Variants in SLC44A5 observed in about 807,000 individuals in gnomAD.
The protein encoded by SLC44A5 is choline transporter-like protein 5.
A neutral mutation model predicts 101.8 loss-of-function variants in SLC44A5; 57 were observed. The observed-to-expected ratio is 0.56, with a 90% CI of 0.45 to 0.70. The LOEUF (loss-of-function observed/expected upper bound fraction) is 0.70, where lower values mean the gene tolerates loss of function less well. Ranked by LOEUF, SLC44A5 falls within the 30% of genes least tolerant of loss-of-function variation. SLC44A5 has a pLI of 0.00. For missense variants in SLC44A5, 737 were observed against 853.1 expected, an observed-to-expected ratio of 0.86 and a Z score of 1.70; for synonymous variants, 281 against 290.9, an observed-to-expected ratio of 0.97 and a Z score of 0.35.
intron 3 of SLC44A5, among the ~76,000 whole-genome samples, chr1:75,343,101 C>T (rs1570726214): frequency 6.6e-6 from 1 of 152,106 alleles, no homozygotes; most frequent in South Asian, 2.1e-4. Flanking sequence ...CACAGTGGTT[C>T]GCTGTCATGT....
the SLC44A5 span, among the ~76,000 whole-genome samples, chr1:75,666,385 C>A: frequency 0.24 from 36,638 of 151,872 alleles, 4,726 homozygotes; most frequent in Non-Finnish European, 0.3. Flanking sequence ...ATTTGACTTC[C>A]CAGAAAGAAG....
chr1:75,600,692 T>C (rs760846227), intron 1 of SLC44A5, among the ~76,000 whole-genome samples: 1 of 152,192 alleles, frequency 6.6e-6, no homozygotes, highest in African/African-American at 2.4e-5. Context: ...ACCATTTTTA[T>C]GTTAAGATAT....
chr1:75,683,289 A>G, the SLC44A5 span, among the ~76,000 whole-genome samples: 3 of 152,186 alleles, frequency 2.0e-5, no homozygotes, highest in Admixed American at 1.3e-4. Flanking sequence ...TCATGCTGCT[A>G]TAAAGACACA....
chr1:75,318,370 T>TGAAAGAAA (rs5775281), intron 4 of SLC44A5, among the ~76,000 whole-genome samples: 292 of 130,660 alleles, frequency 2.2e-3, no homozygotes, highest in African/African-American at 3.2e-3. Context: ...TCCCATCTCT[T>TGAAAGAAA]GAAAGAAAGA....
At chr1:75,720,648 A>G in the SLC44A5 span, among the ~76,000 whole-genome samples, 1 of 152,238 alleles carries the variant, frequency 6.6e-6, no homozygotes, top group East Asian at 1.9e-4. Flanking sequence ...CAAACTTTGT[A>G]AAATATTTGA....
At chr1:75,671,008 G>A in the SLC44A5 span, among the ~76,000 whole-genome samples, 17 of 152,314 alleles carry the variant, frequency 1.1e-4, no homozygotes, top group African/African-American at 4.1e-4. Flanking sequence ...GTAACATAGG[G>A]AAGCACCAAG....
chr1:75,528,687 C>A (rs528088888), intron 2 of SLC44A5, among the ~76,000 whole-genome samples: 1 of 152,308 alleles, frequency 6.6e-6, no homozygotes, highest in Non-Finnish European at 1.5e-5. Context: ...CTTTTAATGA[C>A]TCTCCATTCT....
At chr1:75,485,716 CAAAG>C (rs1334493852) in intron 2 of SLC44A5, among the ~76,000 whole-genome samples, 6 of 151,734 alleles carry the variant, frequency 4.0e-5, no homozygotes, top group Non-Finnish European at 3.0e-5. Flanking sequence ...CACACTGTGA[CAAAG>C]AACTACCTGA....
intron 2 of SLC44A5, among the ~76,000 whole-genome samples, chr1:75,436,248 T>C (rs1220245243): frequency 6.6e-6 from 1 of 152,144 alleles, no homozygotes; most frequent in Non-Finnish European, 1.5e-5. Flanking sequence ...TGTTCATAAT[T>C]ATCACGATGA....
chr1:75,465,523 A>G (rs1286044142), intron 2 of SLC44A5, among the ~76,000 whole-genome samples: 1 of 152,106 alleles, frequency 6.6e-6, no homozygotes, highest in Non-Finnish European at 1.5e-5. Context: ...ACGAAAAGAA[A>G]TAATAAAAAT....
chr1:75,532,259 G>C (rs892416366), intron 2 of SLC44A5, among the ~76,000 whole-genome samples: 1 of 151,982 alleles, frequency 6.6e-6, no homozygotes, highest in Admixed American at 6.6e-5. Context: ...GCATACTCTC[G>C]GGAATTAACT....
At chr1:75,358,786 A>G (rs1659269433) in intron 3 of SLC44A5, among the ~76,000 whole-genome samples, 2 of 152,164 alleles carry the variant, frequency 1.3e-5, no homozygotes, top group Admixed American at 1.3e-4. Flanking sequence ...CATGTATACA[A>G]TGTAGAATGA....
the SLC44A5 span, among the ~76,000 whole-genome samples, chr1:75,662,179 A>G: frequency 6.6e-6 from 1 of 152,142 alleles, no homozygotes; most frequent in African/African-American, 2.4e-5. Context: ...ATAAAAAAGA[A>G]TGAAATCCTG....
At chr1:75,322,130 G>A (rs561157478) in intron 4 of SLC44A5, among the ~76,000 whole-genome samples, 1 of 152,084 alleles carries the variant, frequency 6.6e-6, no homozygotes, top group African/African-American at 2.4e-5. Context: ...GGCCAAAATG[G>A]CAAAACTCCA....
intron 3 of SLC44A5, among the ~76,000 whole-genome samples, chr1:75,350,512 T>C (rs1658565779): frequency 6.7e-6 from 1 of 150,302 alleles, no homozygotes; most frequent in Admixed American, 6.7e-5. Context: ...AGGGACAAAA[T>C]ATGCCTGTAA....
chr1:75,300,526 G>T, intron 5 of SLC44A5, 86 bp downstream of exon 5: 1 of 864,974 alleles, frequency 1.2e-6, no homozygotes, highest in Admixed American at 2.6e-5. Flanking sequence ...GCTTTTGGAA[G>T]ACAATAATTA....
chr1:75,392,230 A>AC lies in SLC44A5; in HGVS notation c.52+4352dup, dbSNP rs200661615. 5.3e-3 allele frequency among the ~76,000 whole-genome samples: 814 copies of AC among 152,312 alleles called. 12 individuals are homozygous for AC. The highest frequency in any genetic ancestry group is 0.03 in the Admixed American group (452 of 15,294). On this transcript the variant is annotated intron_variant, in intron 3 of 23. Transcript: ENST00000370859. ...AGAGAAACTATCAACAGGTAAAGAGACAACTGACATAATGGGATAAAATAT... is the reference window on the plus strand; with the variant it reads ...AGAGAAACTATCAACAGGTAAAGAGACCAACTGACATAATGGGATAAAATAT...
chr1:75,354,713 A>C (rs1658942595), intron 3 of SLC44A5, among the ~76,000 whole-genome samples: 1 of 152,222 alleles, frequency 6.6e-6, no homozygotes, highest in Non-Finnish European at 1.5e-5. Context: ...CAAAAATCAA[A>C]GTATCATCCA....
At chr1:75,306,989 C>T (rs1055161584) in intron 4 of SLC44A5, among the ~76,000 whole-genome samples, 8 of 151,940 alleles carry the variant, frequency 5.3e-5, no homozygotes, top group Non-Finnish European at 7.4e-5. Flanking sequence ...CCACCCGCCT[C>T]GGCCTCCCAA....
Sources: gnomAD v4.1 joint callset for allele counts (sites outside exome capture counted in the v4.1 genomes callset) on GRCh38, gnomAD v4.1.1 for gene constraint, MANE v1.5 for transcripts, NCBI Gene and HGNC (gene_info 2026-07-23, HGNC 2026-07-21) for gene names.